KIF6: variants seen among roughly 807,000 people sequenced by gnomAD.
The protein encoded by KIF6 is kinesin family member 6.
KIF6 carries 106 observed loss-of-function variants against 112.7 expected under a neutral mutation model. The observed-to-expected ratio is 0.94, with a 90% CI of 0.80 to 1.11. The LOEUF (loss-of-function observed/expected upper bound fraction) is 1.11, where lower values mean the gene tolerates loss of function less well. KIF6 is among the 50% of genes least tolerant of loss of function. The probability of loss-of-function intolerance (pLI) is 0.00; values close to 1 mark genes in which losing one functional copy is unlikely to be tolerated. For missense variants in KIF6, 929 were observed against 964.0 expected, an observed-to-expected ratio of 0.96 and a Z score of 0.48; for synonymous variants, 339 against 339.9, an observed-to-expected ratio of 1.00 and a Z score of 0.03.
intron 5 of KIF6, among the ~76,000 whole-genome samples, chr6:39,620,859 C>G (rs550987230): frequency 1.7e-3 from 266 of 152,154 alleles, no homozygotes; most frequent in African/African-American, 6.2e-3. Context: ...ACCTCCACCT[C>G]CTGGGTTCAA....
At chr6:39,639,807 A>G in intron 3 of KIF6, 50 bp from the exon 4 acceptor site, 1 of 1,492,376 alleles carries the variant, frequency 6.7e-7, no homozygotes, top group Non-Finnish European at 9.2e-7. Context: ...CTAACTGCAT[A>G]TGAATTAAAT....
chr6:39,455,320 G>A (rs1463375634), intron 13 of KIF6, among the ~76,000 whole-genome samples: 1 of 151,682 alleles, frequency 6.6e-6, no homozygotes, highest in African/African-American at 2.4e-5. Flanking sequence ...CTGTCTGTTA[G>A]AAGGAAAACT....
At chr6:39,430,981 G>T in intron 14 of KIF6, 72 bp downstream of exon 14, 1 of 784,756 alleles carries the variant, frequency 1.3e-6, no homozygotes, top group Non-Finnish European at 2.2e-6. Context: ...AGGAAGGACA[G>T]AGTAAGCAAA....
At position 39,435,489 on chromosome 6, in the gene KIF6, T is replaced by C. The variant is rs1298745810; in HGVS notation, c.1646-4328A>G. Among the ~76,000 whole-genome samples, 7 of 152,164 alleles carry C rather than the reference T, an allele frequency of 4.6e-5. No homozygotes were observed. The South Asian group carries it at 6.2e-4, about 14-fold the overall frequency. On this transcript the variant is annotated intron_variant, in intron 13 of 22. Coordinates refer to ENST00000287152, the MANE Select transcript of KIF6 (RefSeq NM_145027.6). Reference sequence around the variant, plus strand: ...TAGTGCACTCCTCACCTGAATAGTGTACATTGTACCCAATAGGTAGTTTTT... The same window carrying C: ...TAGTGCACTCCTCACCTGAATAGTGCACATTGTACCCAATAGGTAGTTTTT...
At chr6:39,463,485 G>C (rs1322278596) in intron 13 of KIF6, among the ~76,000 whole-genome samples, 1 of 152,186 alleles carries the variant, frequency 6.6e-6, no homozygotes, top group Non-Finnish European at 1.5e-5. Context: ...CCAGGAGATA[G>C]CAACCATAAC....
intron 10 of KIF6, among the ~76,000 whole-genome samples, 163 bp downstream of exon 10, chr6:39,577,893 T>G (rs1241050656): frequency 6.6e-6 from 1 of 152,222 alleles, no homozygotes; most frequent in East Asian, 1.9e-4. Flanking sequence ...CTTATCCAGC[T>G]TTTCATGGAA....
chr6:39,687,910 A>C (rs1033455058), intron 3 of KIF6, among the ~76,000 whole-genome samples: 1 of 152,228 alleles, frequency 6.6e-6, no homozygotes, highest in Admixed American at 6.5e-5. Context: ...CCCAATAGGA[A>C]ATAGATGGCA....
chr6:39,539,654 TTAAA>T (rs1189931669), intron 13 of KIF6, among the ~76,000 whole-genome samples: 1 of 152,174 alleles, frequency 6.6e-6, no homozygotes, highest in African/African-American at 2.4e-5. Flanking sequence ...GGTAATATTT[TTAAA>T]TAGTTTTCCT....
intron 13 of KIF6, among the ~76,000 whole-genome samples, chr6:39,497,692 C>CT (rs1354623683): frequency 6.6e-6 from 1 of 152,158 alleles, no homozygotes; most frequent in African/African-American, 2.4e-5. Flanking sequence ...ACTGAAGTTG[C>CT]TTTTGACAAC....
intron 15 of KIF6, among the ~76,000 whole-genome samples, chr6:39,391,973 G>A (rs1311464912): frequency 6.6e-6 from 1 of 152,094 alleles, no homozygotes; most frequent in Non-Finnish European, 1.5e-5. Flanking sequence ...GTGTGTGTGT[G>A]TATACATGTA....
intron 20 of KIF6, among the ~76,000 whole-genome samples, chr6:39,346,122 C>CTCTCT (rs1562113273): frequency 6.7e-5 from 1 of 14,908 alleles, no homozygotes; most frequent in African/African-American, 5.2e-4. Flanking sequence ...TCTCCCTCTC[C>CTCTCT]CTCCCTCTCC....
chr6:39,550,151 T>C (rs1223585940), intron 10 of KIF6, among the ~76,000 whole-genome samples: 2 of 152,242 alleles, frequency 1.3e-5, no homozygotes, highest in Non-Finnish European at 2.9e-5. Context: ...AAATTCATCA[T>C]TTATACATTG....
At chr6:39,708,311 G>A (rs1398067627) in intron 3 of KIF6, among the ~76,000 whole-genome samples, 1 of 152,220 alleles carries the variant, frequency 6.6e-6, no homozygotes, top group Non-Finnish European at 1.5e-5. Context: ...TGAGAGGGTA[G>A]CGTCCCTTTA....
intron 13 of KIF6, among the ~76,000 whole-genome samples, chr6:39,454,890 T>C (rs1654010838): frequency 6.6e-6 from 1 of 152,076 alleles, no homozygotes; most frequent in Non-Finnish European, 1.5e-5. Context: ...ATCTCGCTGA[T>C]TGCTAGCACA....
At chr6:39,645,446 C>T (rs960098716) in intron 3 of KIF6, among the ~76,000 whole-genome samples, 2 of 152,236 alleles carry the variant, frequency 1.3e-5, no homozygotes, top group Admixed American at 1.3e-4. Flanking sequence ...ATTTTGTTTA[C>T]CTCCGGATGC....
chr6:39,384,247 G>T (rs943076031), intron 16 of KIF6, among the ~76,000 whole-genome samples: 1 of 152,192 alleles, frequency 6.6e-6, no homozygotes, highest in African/African-American at 2.4e-5. Flanking sequence ...GGCAGCCCTT[G>T]GGGACAACTC....
chr6:39,600,341 A>T (rs1782503954), intron 6 of KIF6, among the ~76,000 whole-genome samples: 1 of 152,192 alleles, frequency 6.6e-6, no homozygotes, highest in African/African-American at 2.4e-5. Context: ...CTATTAGCCT[A>T]TGTATATCAC....
rs1481333003 is a variant in KIF6, at chr6:39,584,417, T to TACAAAAAAAAAAAAAAAAAAA, written c.1077+480_1077+481insTTTTTTTTTTTTTTTTTTTGT. 3.9e-4 allele frequency among the ~76,000 whole-genome samples: 18 copies of TACAAAAAAAAAAAAAAAAAAA among 46,060 alleles called. 3 individuals are homozygous for TACAAAAAAAAAAAAAAAAAAA. The highest frequency in any genetic ancestry group is 6.2e-4 in the Non-Finnish European group (10 of 16,108). The allele number at this position is 46,060 out of a possible 152,430, so 30.2% of individuals were successfully genotyped here. On this transcript the variant is annotated intron_variant, in intron 9 of 22. Transcript: ENST00000287152. The stretch of plus-strand genomic sequence containing the variant: ...TCCAGCCTGAGCAAGACTCTGTCTC[T>TACAAAAAAAAAAAAAAAAAAA]AAAAAAAAAAAAAAAAAAAAAAAAA...
intron 13 of KIF6, among the ~76,000 whole-genome samples, chr6:39,514,739 T>C (rs1027358208): frequency 1.3e-5 from 2 of 151,322 alleles, no homozygotes; most frequent in Non-Finnish European, 2.9e-5. Context: ...TGGATGAAAT[T>C]TCCAAAAGTA....
Sources: gnomAD v4.1 joint callset for allele counts (sites outside exome capture counted in the v4.1 genomes callset) on GRCh38, gnomAD v4.1.1 for gene constraint, MANE v1.5 for transcripts, NCBI Gene and HGNC (gene_info 2026-07-23, HGNC 2026-07-21) for gene names.